The following PRCP variants were observed in gnomAD, a reference collection of about 807,000 sequenced individuals.
The protein encoded by PRCP is prolylcarboxypeptidase.
In PRCP, 46 loss-of-function variants were observed where a neutral mutation model predicts 54.2. The observed-to-expected ratio is 0.85, with a 90% CI of 0.67 to 1.09. PRCP has a LOEUF of 1.09. Ranked by LOEUF, PRCP falls within the 50% of genes least tolerant of loss-of-function variation. The pLI is 0.00. For missense variants in PRCP, 613 were observed against 596.8 expected, an observed-to-expected ratio of 1.03 and a Z score of -0.28; for synonymous variants, 240 against 212.2, an observed-to-expected ratio of 1.13 and a Z score of -1.14.
rs1859170886 is a variant in PRCP, at chr11:82,859,983, A to AT, written c.302dup (p.Asn101LysfsTer2). ...TTCATGAATCTGCACATACCGTGTT[A>AT]TTACAAAACCAGATAATGTCCCCTT... On this transcript the variant is annotated frameshift_variant, in exon 2 of 9. Coordinates refer to ENST00000313010, the MANE Select transcript of PRCP (RefSeq NM_005040.4). LOFTEE classifies it high-confidence loss of function. 1 of 1,579,808 alleles carries AT rather than the reference A, an allele frequency of 6.3e-7. No homozygotes were observed. The highest frequency in any genetic ancestry group is 1.4e-5 in the African/African-American group (1 of 72,876).
chr11:82,865,318 AGAGT>A (rs1235601318), intron 1 of PRCP, among the ~76,000 whole-genome samples: 1 of 152,232 alleles, frequency 6.6e-6, no homozygotes, highest in African/African-American at 2.4e-5. Flanking sequence ...GCGACACTTA[AGAGT>A]GAGTATCTTT....
chr11:82,851,612 C>A (rs1056517343), intron 3 of PRCP, among the ~76,000 whole-genome samples: 5 of 151,742 alleles, frequency 3.3e-5, no homozygotes, highest in African/African-American at 1.2e-4. Flanking sequence ...ACTCCTAATT[C>A]TTCACCCATG....
intron 1 of PRCP, among the ~76,000 whole-genome samples, chr11:82,871,497 TATAC>T (rs1591062711): frequency 6.6e-6 from 1 of 152,326 alleles, no homozygotes; most frequent in East Asian, 1.9e-4. Context: ...ATGTTTCTTC[TATAC>T]ATGCAAAATA....
intron 1 of PRCP, among the ~76,000 whole-genome samples, chr11:82,890,216 A>G (rs1859971920): frequency 6.6e-6 from 1 of 152,144 alleles, no homozygotes; most frequent in African/African-American, 2.4e-5. Context: ...ATCAAACCAT[A>G]TGCCCCTAGT....
intron 2 of PRCP, among the ~76,000 whole-genome samples, chr11:82,857,168 C>G (rs1456678694): frequency 1.3e-5 from 2 of 151,998 alleles, no homozygotes; most frequent in Admixed American, 6.5e-5. Flanking sequence ...AACAAGCATA[C>G]TAAACTCCCT....
In PRCP at chr11:82,842,535, T is replaced by C. The variant is rs188174254; in HGVS notation, c.922-3110A>G. ...AAAAACAGCTGAAGCAACCCTAAAATTGGGTCATTCCCCACCTTTCATCAT... is the reference window on the plus strand; with the variant it reads ...AAAAACAGCTGAAGCAACCCTAAAACTGGGTCATTCCCCACCTTTCATCAT... On this transcript the variant is annotated intron_variant, in intron 6 of 8. Transcript: ENST00000313010. Among the ~76,000 whole-genome samples the C allele has an allele frequency of 7.9e-5, 12 of 152,268 alleles. No homozygotes were observed. The East Asian group carries it at 2.1e-3, about 27-fold the overall frequency.
At chr11:82,883,840 T>G (rs1164490850) in intron 1 of PRCP, among the ~76,000 whole-genome samples, 1 of 152,174 alleles carries the variant, frequency 6.6e-6, no homozygotes, top group East Asian at 1.9e-4. Flanking sequence ...GGGTTGTTGT[T>G]TTTTTAGAAA....
At chr11:82,842,656 G>C (rs1260040662) in intron 6 of PRCP, among the ~76,000 whole-genome samples, 1 of 152,144 alleles carries the variant, frequency 6.6e-6, no homozygotes, top group Non-Finnish European at 1.5e-5. Context: ...TGGCTCAAAA[G>C]AGATCAACAT....
intron 1 of PRCP, among the ~76,000 whole-genome samples, chr11:82,870,119 C>T (rs141875610): frequency 6.6e-6 from 1 of 152,208 alleles, no homozygotes. Context: ...CTGGAAAGGA[C>T]TTTAAAGTCA....
At chr11:82,895,435 A>T (rs1234988028) in intron 1 of PRCP, among the ~76,000 whole-genome samples, 1 of 152,090 alleles carries the variant, frequency 6.6e-6, no homozygotes, top group Non-Finnish European at 1.5e-5. Context: ...AAATGCTAGG[A>T]TTACAGGTGT....
intron 1 of PRCP, among the ~76,000 whole-genome samples, chr11:82,868,438 A>G (rs1859394004): frequency 2.0e-5 from 3 of 152,236 alleles, no homozygotes; most frequent in Non-Finnish European, 2.9e-5. Flanking sequence ...TCTAACAGAA[A>G]TGATTAATGT....
chr11:82,841,932 T>C (rs1858681824), intron 6 of PRCP, among the ~76,000 whole-genome samples: 1 of 152,226 alleles, frequency 6.6e-6, no homozygotes, highest in African/African-American at 2.4e-5. Flanking sequence ...AACCTGGACA[T>C]AGATTCAGCT....
chr11:82,857,062 T>C (rs971949288), intron 2 of PRCP, among the ~76,000 whole-genome samples: 2 of 142,582 alleles, frequency 1.4e-5, no homozygotes, highest in African/African-American at 2.6e-5. Flanking sequence ...AGTCTACAAA[T>C]TGCACTGTTT....
intron 1 of PRCP, 109 bp from the exon 2 acceptor site, chr11:82,860,226 C>A: frequency 1.4e-6 from 1 of 733,360 alleles, no homozygotes; most frequent in South Asian, 5.9e-5. Context: ...CAAAAATAAT[C>A]ACAAGAAATT....
intron 2 of PRCP, among the ~76,000 whole-genome samples, chr11:82,856,831 G>A (rs1380876381): frequency 2.0e-5 from 3 of 152,032 alleles, no homozygotes; most frequent in South Asian, 2.1e-4. Context: ...GGCGGATCAC[G>A]AGGTCAGGAG....
At chr11:82,869,436 GAGAC>G (rs1050868105) in intron 1 of PRCP, among the ~76,000 whole-genome samples, 2 of 151,336 alleles carry the variant, frequency 1.3e-5, no homozygotes, top group Non-Finnish European at 2.9e-5. Context: ...GCGGTATAGA[GAGAC>G]AGAAGAAAGA....
intron 2 of PRCP, among the ~76,000 whole-genome samples, chr11:82,856,919 C>T (rs7946123): frequency 0.25 from 37,171 of 151,164 alleles, 4,837 homozygotes; most frequent in Admixed American, 0.3. Flanking sequence ...GCCTGTAGTC[C>T]CAGCTACTCG....
intron 8 of PRCP, chr11:82,836,846 C>G: frequency 2.7e-6 from 1 of 368,062 alleles, no homozygotes; most frequent in Admixed American, 3.0e-5. Context: ...CTGCATCCAG[C>G]CTCCTTGCAT....
At chr11:82,871,176 TC>T (rs1859472866) in intron 1 of PRCP, among the ~76,000 whole-genome samples, 1 of 140,328 alleles carries the variant, frequency 7.1e-6, no homozygotes, top group African/African-American at 2.5e-5. Context: ...TAAATGTTTC[TC>T]TTTTTTTTTT....
Sources: allele counts gnomAD v4.1 joint callset (sites outside exome capture counted in the v4.1 genomes callset), GRCh38; gene constraint gnomAD v4.1.1; transcripts MANE v1.5; gene names NCBI Gene and HGNC (gene_info 2026-07-23, HGNC 2026-07-21).